The following TMBIM1 variants were observed in gnomAD, a reference collection of about 807,000 sequenced individuals.
TMBIM1 encodes the protein transmembrane BAX inhibitor motif containing 1.
In TMBIM1, 34 loss-of-function variants were observed where a neutral mutation model predicts 45.1. The ratio of observed to expected loss-of-function variants is 0.75; its 90% CI spans 0.57 to 1.00. The LOEUF (loss-of-function observed/expected upper bound fraction) is 1.00, where lower values mean the gene tolerates loss of function less well. Ranked by LOEUF, TMBIM1 falls within the 50% of genes least tolerant of loss-of-function variation. The probability of loss-of-function intolerance (pLI) is 0.00; values close to 1 mark genes in which losing one functional copy is unlikely to be tolerated. For synonymous variants in TMBIM1, 157 were observed against 153.5 expected, an observed-to-expected ratio of 1.02 and a Z score of -0.17; for missense variants, 374 against 402.4, an observed-to-expected ratio of 0.93 and a Z score of 0.60.
In TMBIM1 at chr2:218,275,600, G is replaced by A. The variant is rs781027967; in HGVS notation, c.811C>T (p.Leu271=). The A allele has an allele frequency of 1.2e-6, 2 of 1,613,140 alleles. No homozygotes were observed. The highest frequency in any genetic ancestry group is 1.7e-5 in the Admixed American group (1 of 59,794). ...FTLFLAYDTQ[L]VLGNRKHTIS... The stretch of plus-strand genomic sequence containing the variant: ...GTGTGCTTCCGGTTCCCCAGGACCA[G>A]CTGTGTGTCGTAAGCCAGGAACTGC... Residue 271 remains leucine (L), a synonymous_variant, in exon 12 of 12, where the codon CTG becomes TTG. Coordinates refer to ENST00000258412, the MANE Select transcript of TMBIM1 (RefSeq NM_022152.6).
At chr2:218,276,193 C>T (rs1396116863) in intron 10 of TMBIM1, 114 bp from the exon 11 acceptor site, 6 of 1,150,506 alleles carry the variant, frequency 5.2e-6, no homozygotes, top group Non-Finnish European at 7.6e-6. Flanking sequence ...GGGAAGCTAG[C>T]TCTCCATGAA....
At chr2:218,276,894 TG>T in intron 10 of TMBIM1, 109 bp downstream of exon 10, 1 of 844,868 alleles carries the variant, frequency 1.2e-6, no homozygotes, top group Non-Finnish European at 2.0e-6. Context: ...CGAGAGGTTC[TG>T]GAGGTCAGAG....
At chr2:218,275,734 A>G in intron 11 of TMBIM1, 113 bp from the exon 12 acceptor site, 4 of 1,285,372 alleles carry the variant, frequency 3.1e-6, no homozygotes, top group Non-Finnish European at 2.1e-6. Flanking sequence ...TTAGGGCCAC[A>G]TTAACGCACA....
Position 218,290,281 on chromosome 2 carries a change from T to C in TMBIM1, c.-41+2185A>G, listed in dbSNP as rs553258151. On this transcript the variant is annotated intron_variant, in intron 1 of 11. Transcript: ENST00000258412. ...CCCTGTTCAGCTTTGTTTAACCCAG[T>C]GTTCCTTCAAACTCCCTTAAGCCTG... 3.2e-4 allele frequency among the ~76,000 whole-genome samples: 49 copies of C among 152,338 alleles called. 1 individual carries two copies. In the South Asian group the frequency reaches 7.3e-3, roughly 23 times the overall value.
intron 1 of TMBIM1, chr2:218,284,163 C>CAAAAAAAAAA (rs34609665): frequency 7.5e-6 from 1 of 132,470 alleles, no homozygotes. Context: ...GACTCCATCT[C>CAAAAAAAAAA]AAAAGAAAAA....
Position 218,277,354 on chromosome 2 carries a change from C to T in TMBIM1, c.639+12G>A. On this transcript the variant is annotated intron_variant, in intron 9 of 11. Coordinates refer to ENST00000258412, the MANE Select transcript of TMBIM1 (RefSeq NM_022152.6). Reference sequence around the variant, plus strand: ...AGTCGGGGGGCCAGGGAAGGGCCCTCCATGCCCTCACCTTGGTCTGAAAGC... The same window carrying T: ...AGTCGGGGGGCCAGGGAAGGGCCCTTCATGCCCTCACCTTGGTCTGAAAGC... 2 of 1,612,358 alleles carry T rather than the reference C, an allele frequency of 1.2e-6. No homozygotes were observed. Among genetic ancestry groups the T allele is most frequent in the East Asian group, 2.2e-5 (1 of 44,868 alleles).
At position 218,279,444 on chromosome 2, in the gene TMBIM1, AG is replaced by A. The variant is rs1422879913; in HGVS notation, c.304-92del. ...GCCCCCAGTACTTTCCTCCCACTCAAGAACCCTCCCTAGCTGCAGCCTGGCC... is the reference window on the plus strand; with the variant it reads ...GCCCCCAGTACTTTCCTCCCACTCAAAACCCTCCCTAGCTGCAGCCTGGCC... On this transcript the variant is annotated intron_variant, in intron 3 of 11. Transcript: ENST00000258412. 2.5e-6 allele frequency: 3 copies of A among 1,219,254 alleles called. No homozygotes were observed. The African/African-American group carries it at 4.6e-5, about 19-fold the overall frequency. The allele number at this position is 1,219,254 out of a possible 1,614,324, so 75.5% of individuals were successfully genotyped here. A position where few individuals can be genotyped will look rare whatever the true frequency, so the allele number is the denominator to read the frequency against.
chr2:218,276,173 G>C (rs1691188358), intron 10 of TMBIM1, 94 bp from the exon 11 acceptor site: 1 of 1,356,420 alleles, frequency 7.4e-7, no homozygotes, highest in Non-Finnish European at 1.0e-6. Flanking sequence ...GCATGAGAGT[G>C]GGTAGAGCTG....
intron 1 of TMBIM1, among the ~76,000 whole-genome samples, chr2:218,282,446 C>T (rs939733700): frequency 1.3e-5 from 2 of 152,206 alleles, no homozygotes; most frequent in East Asian, 1.9e-4. Flanking sequence ...AGGAAGGATT[C>T]GCTGAGGAGA....
At chr2:218,287,900 C>G (rs1198108965) in intron 1 of TMBIM1, among the ~76,000 whole-genome samples, 1 of 152,204 alleles carries the variant, frequency 6.6e-6, no homozygotes, top group Non-Finnish European at 1.5e-5. Flanking sequence ...CCACCCTTGT[C>G]TGGAGCAGAA....
In TMBIM1 at chr2:218,275,397, C is replaced by T. The variant is rs1344440675; in HGVS notation, c.*78G>A. 1.3e-6 allele frequency: 2 copies of T among 1,524,522 alleles called. No individual in the cohort carries two copies. Among genetic ancestry groups the T allele is most frequent in the Middle Eastern group, 2.0e-4 (1 of 5,042 alleles). 94.4% of individuals were successfully genotyped at this position (1,524,522 alleles called of 1,614,324 possible). A position where few individuals can be genotyped will look rare whatever the true frequency, so the allele number is the denominator to read the frequency against. Reference sequence around the variant, plus strand: ...AAGGGGAAGGAAAGGGGCCTAAAGCCCAGACCACAGTCATAGGGCCCAGCC... The same window carrying T: ...AAGGGGAAGGAAAGGGGCCTAAAGCTCAGACCACAGTCATAGGGCCCAGCC... On this transcript the variant is annotated 3_prime_UTR_variant, in exon 12 of 12. Transcript: ENST00000258412.
chr2:218,276,963 A>G (rs1451298802), intron 10 of TMBIM1, 41 bp downstream of exon 10: 1 of 1,557,478 alleles, frequency 6.4e-7, no homozygotes, highest in Admixed American at 1.7e-5. Context: ...GTCTGCCCTG[A>G]GCACTGGGTT....
At chr2:218,275,950 T>G in intron 11 of TMBIM1, 76 bp downstream of exon 11, 5 of 1,524,032 alleles carry the variant, frequency 3.3e-6, no homozygotes, top group Non-Finnish European at 4.5e-6. Flanking sequence ...CCAGGCAGTC[T>G]AAATTCATGC....
rs1691326519 is a variant in TMBIM1 at position 218,277,349 on chromosome 2, G to C, written c.639+17C>G. ...AGGGGAGTCGGGGGGCCAGGGAAGG[G>C]CCCTCCATGCCCTCACCTTGGTCTG... On this transcript the variant is annotated intron_variant, in intron 9 of 11. Coordinates refer to ENST00000258412, the MANE Select transcript of TMBIM1 (RefSeq NM_022152.6). The C allele has an allele frequency of 1.2e-6, 2 of 1,611,820 alleles. No homozygotes were observed. Among genetic ancestry groups the C allele is most frequent in the African/African-American group, 2.7e-5 (2 of 74,980 alleles).
At chr2:218,285,351 C>T (rs1692419729) in intron 1 of TMBIM1, among the ~76,000 whole-genome samples, 1 of 152,170 alleles carries the variant, frequency 6.6e-6, no homozygotes, top group Non-Finnish European at 1.5e-5. Flanking sequence ...TAATCCCTAA[C>T]CTGAAAACAC....
intron 1 of TMBIM1, among the ~76,000 whole-genome samples, chr2:218,287,790 G>A (rs960692731): frequency 2.0e-5 from 3 of 152,110 alleles, no homozygotes; most frequent in Non-Finnish European, 2.9e-5. Flanking sequence ...AGCCAGGGTG[G>A]CCTCTCTCTG....
At position 218,282,142 on chromosome 2, in the gene TMBIM1, G is replaced by A; in HGVS notation, c.-1C>T. 1.1e-5 allele frequency: 17 copies of A among 1,496,742 alleles called. No individual in the cohort carries two copies. The highest frequency in any genetic ancestry group is 1.3e-5 in the Non-Finnish European group (15 of 1,124,850). The allele number at this position is 1,496,742 out of a possible 1,614,324, so 92.7% of individuals were successfully genotyped here. ...GTGGTGGGGCGCTGGGGTTGGACAT[G>A]GCTGCTCACGGGCTGAGGGGGAACC... is the stretch of plus-strand genomic sequence containing the variant. On this transcript the variant is annotated 5_prime_UTR_variant, in exon 2 of 12. Transcript: ENST00000258412.
intron 1 of TMBIM1, among the ~76,000 whole-genome samples, chr2:218,291,911 T>C (rs1360411682): frequency 6.6e-6 from 1 of 152,090 alleles, no homozygotes; most frequent in East Asian, 1.9e-4. Flanking sequence ...GAGCTGCTCA[T>C]TGGCTTCTGC....
chr2:218,277,207 T>G, intron 9 of TMBIM1, 108 bp from the exon 10 acceptor site: 1 of 1,171,014 alleles, frequency 8.5e-7, no homozygotes, highest in Non-Finnish European at 1.3e-6. Context: ...GGTATGGGAA[T>G]GTCCACAACA....
Sources: gnomAD v4.1 joint callset for allele counts (sites outside exome capture counted in the v4.1 genomes callset) on GRCh38, gnomAD v4.1.1 for gene constraint, MANE v1.5 for transcripts, NCBI Gene and HGNC (gene_info 2026-07-23, HGNC 2026-07-21) for gene names.